The following CCSER1 variants were observed in gnomAD, a reference collection of about 807,000 sequenced individuals.
CCSER1 encodes serine-rich coiled-coil domain-containing protein 1.
CCSER1 carries 41 observed loss-of-function variants against 82.0 expected under a neutral mutation model. The observed-to-expected ratio is 0.50, with a 90% CI of 0.39 to 0.65. The LOEUF (loss-of-function observed/expected upper bound fraction) is 0.65, where lower values mean the gene tolerates loss of function less well. Ranked by LOEUF, CCSER1 falls within the 30% of genes least tolerant of loss-of-function variation. The probability of loss-of-function intolerance (pLI) is 0.00; values close to 1 mark genes in which losing one functional copy is unlikely to be tolerated. For synonymous variants in CCSER1, 414 were observed against 383.9 expected (o/e 1.08, Z -0.92); for missense variants, 1,119 against 1,064.2 (o/e 1.05, Z -0.72).
At chr4:90,863,873 C>A (rs887671611) in intron 8 of CCSER1, among the ~76,000 whole-genome samples, 1 of 151,730 alleles carries the variant, frequency 6.6e-6, no homozygotes, top group African/African-American at 2.4e-5. Context: ...AACAAAAGCC[C>A]TTTAGCGCTT....
chr4:91,585,111 T>G (rs1401011358), intron 10 of CCSER1, among the ~76,000 whole-genome samples: 1 of 151,584 alleles, frequency 6.6e-6, no homozygotes, highest in East Asian at 1.9e-4. Context: ...ACAACTTACA[T>G]ACACAAAATT....
chr4:90,588,569 T>C (rs552557231), intron 5 of CCSER1, among the ~76,000 whole-genome samples: 1 of 152,286 alleles, frequency 6.6e-6, no homozygotes, highest in Non-Finnish European at 1.5e-5. Context: ...TGTTGAAATT[T>C]TCAAAGCCCC....
At chr4:90,451,041 G>A (rs1438383715) in intron 4 of CCSER1, among the ~76,000 whole-genome samples, 3 of 152,136 alleles carry the variant, frequency 2.0e-5, no homozygotes, top group Admixed American at 6.5e-5. Context: ...ACAGTTTACT[G>A]AGGTGCCTTT....
At position 91,421,438 on chromosome 4, in the gene CCSER1, C is replaced by A. The variant is rs143037472; in HGVS notation, c.2218-177134C>A. Among the ~76,000 whole-genome samples, 156 of 152,262 alleles carry A rather than the reference C, an allele frequency of 1.0e-3. 1 individual carries two copies. Among genetic ancestry groups the A allele is most frequent in the African/African-American group, 3.5e-3 (145 of 41,526 alleles). On this transcript the variant is annotated intron_variant, in intron 10 of 10. Transcript: ENST00000509176. Reference sequence around the variant, plus strand: ...TACAGTGGCCAGAGTATGTGTAACTCTGATATCCCAGGCAGAAGAAGATGG... The same window carrying A: ...TACAGTGGCCAGAGTATGTGTAACTATGATATCCCAGGCAGAAGAAGATGG...
intron 6 of CCSER1, among the ~76,000 whole-genome samples, chr4:90,720,276 G>A (rs1306788343): frequency 2.1e-5 from 3 of 143,878 alleles, no homozygotes; most frequent in African/African-American, 7.8e-5. Context: ...TAGGAGCCCT[G>A]GTTTGTTTTT....
chr4:90,813,344 C>G (rs761019101), intron 7 of CCSER1, among the ~76,000 whole-genome samples: 1 of 152,194 alleles, frequency 6.6e-6, no homozygotes. Flanking sequence ...CAGGGAATGC[C>G]GATGCAAGGG....
intron 1 of CCSER1, among the ~76,000 whole-genome samples, chr4:90,260,575 TC>T (rs1485196296): frequency 6.6e-6 from 1 of 152,224 alleles, no homozygotes; most frequent in African/African-American, 2.4e-5. Flanking sequence ...GAATAGCTAC[TC>T]CTACTTCTTC....
At chr4:90,167,648 C>G (rs546260853) in intron 1 of CCSER1, among the ~76,000 whole-genome samples, 1 of 151,736 alleles carries the variant, frequency 6.6e-6, no homozygotes, top group East Asian at 2.0e-4. Flanking sequence ...CAACAGGCCC[C>G]GGTGTGTGAT....
chr4:91,198,053 G>T (rs546171896), intron 10 of CCSER1, among the ~76,000 whole-genome samples: 1 of 152,140 alleles, frequency 6.6e-6, no homozygotes, highest in African/African-American at 2.4e-5. Flanking sequence ...CATTTTAAAA[G>T]ATCAATTCAA....
At chr4:90,667,856 T>G (rs907927939) in intron 6 of CCSER1, among the ~76,000 whole-genome samples, 2 of 152,180 alleles carry the variant, frequency 1.3e-5, no homozygotes, top group Non-Finnish European at 2.9e-5. Flanking sequence ...TTACCAAAGA[T>G]TTCAATATTA....
intron 10 of CCSER1, among the ~76,000 whole-genome samples, chr4:91,370,628 C>T (rs1296791059): frequency 1.3e-4 from 19 of 151,036 alleles, no homozygotes; most frequent in Non-Finnish European, 2.2e-4. Context: ...CCTGGGAGGC[C>T]GAGGTTGCAG....
intron 8 of CCSER1, among the ~76,000 whole-genome samples, chr4:90,875,051 AC>A (rs1767022378): frequency 6.6e-6 from 1 of 152,018 alleles, no homozygotes; most frequent in Admixed American, 6.6e-5. Context: ...ATCTCAAAAA[AC>A]AAAAACAACA....
chr4:90,134,087 A>G (rs189602044), intron 1 of CCSER1, among the ~76,000 whole-genome samples: 13 of 152,330 alleles, frequency 8.5e-5, no homozygotes, highest in Admixed American at 8.5e-4. Flanking sequence ...TTCTTACATG[A>G]TATACACTTT....
chr4:90,384,077 CG>C (rs1749629769), intron 3 of CCSER1, among the ~76,000 whole-genome samples: 1 of 151,498 alleles, frequency 6.6e-6, no homozygotes, highest in South Asian at 2.1e-4. Context: ...TTTAGTTTTT[CG>C]AACCCTCGTT....
intron 10 of CCSER1, among the ~76,000 whole-genome samples, chr4:91,337,320 C>T (rs1528564): frequency 0.78 from 118,855 of 152,040 alleles, 47,164 homozygotes; most frequent in African/African-American, 0.92. Context: ...CCAAGTATTA[C>T]ACAAGAGAAC....
chr4:90,173,986 A>G (rs1055219676), intron 1 of CCSER1, among the ~76,000 whole-genome samples: 3 of 151,920 alleles, frequency 2.0e-5, no homozygotes, highest in Admixed American at 2.0e-4. Context: ...ATTTTGTAGG[A>G]TTTATTTTCT....
chr4:90,171,855 A>C (rs1462504874), intron 1 of CCSER1, among the ~76,000 whole-genome samples: 1 of 151,934 alleles, frequency 6.6e-6, no homozygotes, highest in Admixed American at 6.6e-5. Flanking sequence ...ATTATTTGCT[A>C]TAAGGGCTAG....
intron 1 of CCSER1, among the ~76,000 whole-genome samples, chr4:90,186,266 C>A (rs1425633073): frequency 2.0e-5 from 3 of 152,046 alleles, no homozygotes; most frequent in African/African-American, 7.2e-5. Flanking sequence ...CTTACTGCCA[C>A]CCTCAAGAGA....
intron 4 of CCSER1, among the ~76,000 whole-genome samples, chr4:90,439,640 A>G (rs949206888): frequency 2.0e-5 from 3 of 152,222 alleles, no homozygotes; most frequent in African/African-American, 7.2e-5. Context: ...TGAAAAAAGT[A>G]CAGGACAAAC....
Sources: allele counts gnomAD v4.1 joint callset (sites outside exome capture counted in the v4.1 genomes callset), GRCh38; gene constraint gnomAD v4.1.1; transcripts MANE v1.5; gene names NCBI Gene and HGNC (gene_info 2026-07-23, HGNC 2026-07-21).